MALT1: variants seen among roughly 807,000 people sequenced by gnomAD.
The protein encoded by MALT1 is mucosa-associated lymphoid tissue lymphoma translocation protein 1.
In MALT1, 36 loss-of-function variants were observed where a neutral mutation model predicts 85.5. The ratio of observed to expected loss-of-function variants is 0.42; its 90% CI spans 0.32 to 0.56. MALT1 has a LOEUF of 0.56. Ranked by LOEUF, MALT1 falls within the 20% of genes least tolerant of loss-of-function variation. MALT1 has a pLI of 0.10. For missense variants in MALT1, 716 were observed against 981.6 expected, an observed-to-expected ratio of 0.73 and a Z score of 3.62; for synonymous variants, 359 against 361.3, an observed-to-expected ratio of 0.99 and a Z score of 0.07.
chr18:58,717,802 T>C (rs552385811), intron 9 of MALT1, among the ~76,000 whole-genome samples: 23 of 151,912 alleles, frequency 1.5e-4, no homozygotes, highest in Non-Finnish European at 2.8e-4. Flanking sequence ...GTGGTAAGTT[T>C]TCATGTATTC....
intron 9 of MALT1, among the ~76,000 whole-genome samples, chr18:58,717,268 C>G (rs1391498267): frequency 1.3e-5 from 2 of 150,852 alleles, no homozygotes; most frequent in Non-Finnish European, 2.9e-5. Flanking sequence ...GAGGCTGAGG[C>G]AGAAGAATCT....
At chr18:58,694,508 A>T (rs1247106433) in intron 2 of MALT1, among the ~76,000 whole-genome samples, 1 of 152,250 alleles carries the variant, frequency 6.6e-6, no homozygotes, top group African/African-American at 2.4e-5. Flanking sequence ...TAGGTGCAGG[A>T]AATTAAGTTT....
At chr18:58,730,102 T>C (rs1160480707) in intron 10 of MALT1, among the ~76,000 whole-genome samples, 1 of 152,174 alleles carries the variant, frequency 6.6e-6, no homozygotes, top group Non-Finnish European at 1.5e-5. Context: ...AAAATAAGTT[T>C]ATCTTGCTCT....
intron 4 of MALT1, among the ~76,000 whole-genome samples, chr18:58,703,154 T>C (rs1343895621): frequency 1.3e-5 from 2 of 152,010 alleles, no homozygotes; most frequent in Non-Finnish European, 2.9e-5. Flanking sequence ...GTCGGGAGTT[T>C]GAGACCAGCC....
chr18:58,681,528 T>A (rs192568524), intron 2 of MALT1, among the ~76,000 whole-genome samples, 192 bp downstream of exon 2: 1 of 152,372 alleles, frequency 6.6e-6, no homozygotes. Context: ...AGAAACCAGC[T>A]ACATGAGACA....
intron 16 of MALT1, among the ~76,000 whole-genome samples, chr18:58,746,816 C>T (rs2055374124): frequency 6.6e-6 from 1 of 152,058 alleles, no homozygotes; most frequent in Admixed American, 6.6e-5. Flanking sequence ...CAACCTCCAC[C>T]TCCCAGACTC....
intron 5 of MALT1, 90 bp from the exon 6 acceptor site, chr18:58,709,886 T>C (rs1238627989): frequency 2.4e-6 from 2 of 840,454 alleles, no homozygotes; most frequent in Non-Finnish European, 3.9e-6. Context: ...ATGTTATGTT[T>C]TGGAGCGTAT....
intron 1 of MALT1, among the ~76,000 whole-genome samples, chr18:58,674,654 G>C (rs770413873): frequency 2.0e-5 from 3 of 152,172 alleles, no homozygotes; most frequent in Non-Finnish European, 4.4e-5. Context: ...AAAAGTTATT[G>C]TAAAGTGATT....
chr18:58,737,621 C>T (rs562346744), intron 13 of MALT1, among the ~76,000 whole-genome samples: 11 of 152,204 alleles, frequency 7.2e-5, no homozygotes, highest in Admixed American at 2.6e-4. Flanking sequence ...GAGTCTCTGT[C>T]GCGCAGGCTA....
chr18:58,727,962 C>T (rs949515206), intron 10 of MALT1, among the ~76,000 whole-genome samples: 8 of 152,064 alleles, frequency 5.3e-5, no homozygotes, highest in Admixed American at 3.3e-4. Context: ...TTCTTGGAAC[C>T]GTGCCTGGCA....
chr18:58,722,328 CA>C (rs1200739535), intron 9 of MALT1, among the ~76,000 whole-genome samples: 1 of 151,804 alleles, frequency 6.6e-6, no homozygotes, highest in Non-Finnish European at 1.5e-5. Context: ...CTCTTATGAA[CA>C]AAAAAACTGT....
chr18:58,723,690 GTC>G (rs1477772874), intron 10 of MALT1, among the ~76,000 whole-genome samples: 1 of 152,096 alleles, frequency 6.6e-6, no homozygotes, highest in Non-Finnish European at 1.5e-5. Flanking sequence ...GTCTTTTCTA[GTC>G]TTTTAGTGAG....
chr18:58,707,915 T>C (rs931989107), intron 4 of MALT1, among the ~76,000 whole-genome samples: 6 of 152,202 alleles, frequency 3.9e-5, no homozygotes, highest in African/African-American at 1.4e-4. Context: ...ACTAGAAATC[T>C]CTGTTTTACA....
At chr18:58,695,300 C>T (rs2054571711) in intron 2 of MALT1, among the ~76,000 whole-genome samples, 2 of 152,218 alleles carry the variant, frequency 1.3e-5, no homozygotes, top group African/African-American at 4.8e-5. Flanking sequence ...TGAATGGCCT[C>T]CTGCCACAGT....
At chr18:58,722,361 T>G (rs1249482410) in intron 9 of MALT1, among the ~76,000 whole-genome samples, 1 of 152,196 alleles carries the variant, frequency 6.6e-6, no homozygotes, top group Non-Finnish European at 1.5e-5. Context: ...TACATTATCT[T>G]TGAGCAAAGT....
At chr18:58,690,982 C>A in intron 2 of MALT1, 1 of 286,184 alleles carries the variant, frequency 3.5e-6, no homozygotes, top group Non-Finnish European at 6.9e-6. Flanking sequence ...CTCAGATTCT[C>A]AGGCATCCTT....
intron 10 of MALT1, among the ~76,000 whole-genome samples, chr18:58,727,628 G>GTTTTTTTTTTTTTTTT (rs74183292): frequency 7.7e-6 from 1 of 130,642 alleles, no homozygotes; most frequent in Non-Finnish European, 1.6e-5. Context: ...TTTTTTTTTT[G>GTTTTTTTTTTTTTTTT]TTTTTTTTTT....
chr18:58,694,203 A>G (rs2054554509), intron 2 of MALT1, among the ~76,000 whole-genome samples: 2 of 152,188 alleles, frequency 1.3e-5, no homozygotes, highest in Admixed American at 1.3e-4. Context: ...AGGCTCTACT[A>G]TATTTACTAA....
intron 10 of MALT1, among the ~76,000 whole-genome samples, chr18:58,727,616 G>GTTGTTTTTTTTTTTTTTTTTTTTTTTTT (rs2055077320): frequency 8.2e-6 from 1 of 121,264 alleles, no homozygotes; most frequent in African/African-American, 3.3e-5. Context: ...GGTTTTTTGT[G>GTTGTTTTTTTTTTTTTTTTTTTTTTTTT]TTTTTTTTTT....
Sources: allele counts gnomAD v4.1 joint callset (sites outside exome capture counted in the v4.1 genomes callset), GRCh38; gene constraint gnomAD v4.1.1; transcripts MANE v1.5; gene names NCBI Gene and HGNC (gene_info 2026-07-23, HGNC 2026-07-21).